Variants in ROR1 observed in about 807,000 individuals in gnomAD.
ROR1 encodes the protein inactive tyrosine-protein kinase transmembrane receptor ROR1.
ROR1 carries 19 observed loss-of-function variants against 78.8 expected under a neutral mutation model. The observed-to-expected ratio is 0.24, with a 90% CI of 0.17 to 0.35. The LOEUF (loss-of-function observed/expected upper bound fraction) is 0.35. Ranked by LOEUF, ROR1 falls within the 10% of genes least tolerant of loss-of-function variation. ROR1 has a pLI of 1.00. For missense variants in ROR1, 917 were observed against 1,177.8 expected, an observed-to-expected ratio of 0.78 and a Z score of 3.24; for synonymous variants, 386 against 433.6, an observed-to-expected ratio of 0.89 and a Z score of 1.36.
chr1:63,833,423 A>T (rs977984234), intron 1 of ROR1, among the ~76,000 whole-genome samples: 22 of 152,324 alleles, frequency 1.4e-4, no homozygotes, highest in African/African-American at 5.1e-4. Context: ...AGGAGAAGAC[A>T]TGAGAATGAT....
At chr1:63,934,020 A>T (rs1645774720) in intron 1 of ROR1, among the ~76,000 whole-genome samples, 1 of 152,202 alleles carries the variant, frequency 6.6e-6, no homozygotes, top group South Asian at 2.1e-4. Flanking sequence ...TTTGGCCTCC[A>T]GCTAGCTGCT....
At chr1:64,014,773 T>TATGCACAC (rs71056017) in intron 2 of ROR1, among the ~76,000 whole-genome samples, 1 of 46,996 alleles carries the variant, frequency 2.1e-5, no homozygotes, top group Admixed American at 3.2e-4. Flanking sequence ...TATATATATA[T>TATGCACAC]ACACATTTTG....
rs986756579 is a variant in ROR1 at position 64,067,710 on chromosome 1, C to CTTTTTTTTTTTTTTTTTTTTTTTTTTT, written c.482+17014_482+17015insTTTTTTTTTTTTTTTTTTTTTTTTTTT. On this transcript the variant is annotated intron_variant, in intron 4 of 8. Transcript: ENST00000371079. Reference sequence around the variant, plus strand: ...TATTTCTATCCAAGTTAAATAAATTCTTTTTTTTTTTTTTTTTTTTGAGAC... The same window carrying CTTTTTTTTTTTTTTTTTTTTTTTTTTT: ...TATTTCTATCCAAGTTAAATAAATTCTTTTTTTTTTTTTTTTTTTTTTTTTTTTTTTTTTTTTTTTTTTTTTTGAGAC... Among the ~76,000 whole-genome samples the CTTTTTTTTTTTTTTTTTTTTTTTTTTT allele has an allele frequency of 2.8e-5, 3 of 105,698 alleles. 1 individual carries two copies. The highest frequency in any genetic ancestry group is 8.5e-5 in the African/African-American group (2 of 23,490). 69.3% of individuals were successfully genotyped at this position (105,698 alleles called of 152,430 possible). A position where few individuals can be genotyped will look rare whatever the true frequency, so the allele number is the denominator to read the frequency against.
At chr1:64,025,162 T>C (rs1646597711) in intron 2 of ROR1, among the ~76,000 whole-genome samples, 1 of 152,160 alleles carries the variant, frequency 6.6e-6, no homozygotes, top group East Asian at 1.9e-4. Context: ...AATTGAGCAA[T>C]ATTTCCACCC....
At chr1:64,119,297 A>T (rs1648438429) in intron 4 of ROR1, among the ~76,000 whole-genome samples, 1 of 152,116 alleles carries the variant, frequency 6.6e-6, no homozygotes, top group African/African-American at 2.4e-5. Context: ...ATATACCCCC[A>T]TAGTTGTATT....
At chr1:63,949,861 G>T (rs1282454673) in intron 1 of ROR1, among the ~76,000 whole-genome samples, 1 of 152,128 alleles carries the variant, frequency 6.6e-6, no homozygotes, top group South Asian at 2.1e-4. Flanking sequence ...AAAATGGTTT[G>T]TGTGGGGTGG....
chr1:64,019,700 C>T (rs1388419209), intron 2 of ROR1, among the ~76,000 whole-genome samples: 1 of 152,100 alleles, frequency 6.6e-6, no homozygotes, highest in Non-Finnish European at 1.5e-5. Context: ...TGGATTGTCA[C>T]ATTTAATCCT....
intron 1 of ROR1, among the ~76,000 whole-genome samples, chr1:63,941,291 A>G (rs1645837547): frequency 6.6e-6 from 1 of 152,208 alleles, no homozygotes; most frequent in Non-Finnish European, 1.5e-5. Context: ...GGGATATGGT[A>G]TATGCAACTT....
chr1:64,140,176 C>G lies in ROR1; in HGVS notation c.678C>G (p.Ser226=). Reference sequence around the variant, plus strand: ...AGTGTTCTCAGTTCGCCATTCCTTCCCTGTGCCACTATGCCTTCCCGTACT... The same window carrying G: ...AGTGTTCTCAGTTCGCCATTCCTTCGCTGTGCCACTATGCCTTCCCGTACT... ...SDKCSQFAIP[S]LCHYAFPYCD... The change falls in exon 6 of 9, where the codon TCC becomes TCG. Residue 226 remains serine (S), a synonymous_variant. Transcript: ENST00000371079. 6.2e-7 allele frequency: 1 copy of G among 1,614,084 alleles called. No homozygotes were observed. The highest frequency in any genetic ancestry group is 2.2e-5 in the East Asian group (1 of 44,862).
chr1:64,113,266 G>T (rs1310098684), intron 4 of ROR1, among the ~76,000 whole-genome samples: 1 of 152,056 alleles, frequency 6.6e-6, no homozygotes, highest in Non-Finnish European at 1.5e-5. Context: ...TTCTTCATTG[G>T]TTTTCACTAA....
intron 4 of ROR1, among the ~76,000 whole-genome samples, chr1:64,129,961 T>C (rs1175096067): frequency 6.6e-6 from 1 of 152,186 alleles, no homozygotes; most frequent in Admixed American, 6.5e-5. Flanking sequence ...CTGGAAACTA[T>C]GACAGAACGT....
intron 4 of ROR1, among the ~76,000 whole-genome samples, chr1:64,079,344 T>G (rs1270298762): frequency 6.6e-6 from 1 of 152,238 alleles, no homozygotes; most frequent in African/African-American, 2.4e-5. Context: ...TTAGATGGCT[T>G]CTTCTATCTT....
At chr1:63,949,055 A>T (rs544667775) in intron 1 of ROR1, among the ~76,000 whole-genome samples, 1 of 152,300 alleles carries the variant, frequency 6.6e-6, no homozygotes, top group South Asian at 2.1e-4. Context: ...GCTACCCTAC[A>T]TGTGCTCCAG....
chr1:63,999,930 T>C (rs1166451510), intron 1 of ROR1, among the ~76,000 whole-genome samples: 1 of 152,224 alleles, frequency 6.6e-6, no homozygotes, highest in Middle Eastern at 3.2e-3. Flanking sequence ...TGTCATGGAA[T>C]TGCAGCTGTG....
At chr1:64,027,890 G>A (rs1470198149) in intron 2 of ROR1, among the ~76,000 whole-genome samples, 1 of 152,032 alleles carries the variant, frequency 6.6e-6, no homozygotes. Flanking sequence ...GTTTCACCAT[G>A]TTGGCCAGGA....
intron 8 of ROR1, among the ~76,000 whole-genome samples, chr1:64,161,452 A>C (rs1440876845): frequency 6.6e-6 from 1 of 152,224 alleles, no homozygotes; most frequent in Non-Finnish European, 1.5e-5. Flanking sequence ...AACCACAGGC[A>C]TTCTCCTGGC....
chr1:64,115,076 T>C (rs1648264454), intron 4 of ROR1, among the ~76,000 whole-genome samples: 1 of 152,132 alleles, frequency 6.6e-6, no homozygotes, highest in Admixed American at 6.5e-5. Flanking sequence ...GCAATCCCCC[T>C]ACCTCAGCCT....
At chr1:64,025,012 A>T (rs1382691125) in intron 2 of ROR1, among the ~76,000 whole-genome samples, 1 of 152,084 alleles carries the variant, frequency 6.6e-6, no homozygotes, top group Admixed American at 6.6e-5. Flanking sequence ...ACATGGAAAA[A>T]TTTTATTTTT....
At chr1:63,956,031 T>C (rs2100477780) in intron 1 of ROR1, among the ~76,000 whole-genome samples, 1 of 152,250 alleles carries the variant, frequency 6.6e-6, no homozygotes, top group South Asian at 2.1e-4. Flanking sequence ...CCTCAGCCCA[T>C]GGGGATGAGG....
Sources: allele counts gnomAD v4.1 joint callset (sites outside exome capture counted in the v4.1 genomes callset), GRCh38; gene constraint gnomAD v4.1.1; transcripts MANE v1.5; gene names NCBI Gene and HGNC (gene_info 2026-07-23, HGNC 2026-07-21).